The following ZNF385D variants were observed in gnomAD, a reference collection of about 807,000 sequenced individuals.
The protein encoded by ZNF385D is zinc finger protein 385D.
In ZNF385D, 15 loss-of-function variants were observed where a neutral mutation model predicts 35.8. The ratio of observed to expected loss-of-function variants is 0.42; its 90% CI spans 0.28 to 0.64. ZNF385D has a LOEUF of 0.64. Among genes scored for constraint, ZNF385D ranks in the 30% least tolerant of loss-of-function variants. The pLI is 0.23. For synonymous variants in ZNF385D, 212 were observed against 186.8 expected, an observed-to-expected ratio of 1.13 and a Z score of -1.10; for missense variants, 474 against 494.6, an observed-to-expected ratio of 0.96 and a Z score of 0.39.
At chr3:21,518,466 G>T (rs1707714703) in intron 3 of ZNF385D, among the ~76,000 whole-genome samples, 1 of 152,064 alleles carries the variant, frequency 6.6e-6, no homozygotes, top group Non-Finnish European at 1.5e-5. Flanking sequence ...TATATTGAAT[G>T]CATTGTTATG....
intron 2 of ZNF385D, among the ~76,000 whole-genome samples, chr3:22,212,695 A>T (rs1209001734): frequency 6.6e-6 from 1 of 152,062 alleles, no homozygotes; most frequent in African/African-American, 2.4e-5. Flanking sequence ...ATAAAAGCTC[A>T]TCTTAGGGTT....
At chr3:21,813,355 C>T (rs554171214) in intron 3 of ZNF385D, among the ~76,000 whole-genome samples, 65 of 152,276 alleles carry the variant, frequency 4.3e-4, no homozygotes, top group African/African-American at 1.3e-3. Context: ...ATGACTTTGA[C>T]GAGTTGACAG....
rs116262136 is a variant in ZNF385D, at chr3:21,983,002, C to T, written c.325+185815G>A. Among the ~76,000 whole-genome samples, 1,330 of 151,916 alleles carry T rather than the reference C, an allele frequency of 8.8e-3. 20 individuals are homozygous for T. Among genetic ancestry groups the T allele is most frequent in the African/African-American group, 0.03 (1,254 of 41,432 alleles). ...CTGAATTTGGTTTGCGAGTATTTTG[C>T]TGAAGATTTTTACATTGATGTTTAT... On this transcript the variant is annotated intron_variant, in intron 3 of 5. Coordinates refer to the ZNF385D transcript ENST00000494108.
At chr3:21,895,917 A>C (rs1699111893) in intron 3 of ZNF385D, among the ~76,000 whole-genome samples, 1 of 152,158 alleles carries the variant, frequency 6.6e-6, no homozygotes. Flanking sequence ...TAAAATCAAA[A>C]ATTTTGTGTC....
At chr3:22,196,238 T>C (rs565906659) in intron 2 of ZNF385D, among the ~76,000 whole-genome samples, 5 of 152,068 alleles carry the variant, frequency 3.3e-5, no homozygotes, top group South Asian at 4.1e-4. Flanking sequence ...CAGCTATGCA[T>C]GTAGGTTTTG....
At chr3:22,142,436 A>G (rs1704566503) in intron 3 of ZNF385D, among the ~76,000 whole-genome samples, 1 of 152,268 alleles carries the variant, frequency 6.6e-6, no homozygotes, top group Admixed American at 6.5e-5. Flanking sequence ...TCCAATGTAG[A>G]GAACGAATCA....
intron 3 of ZNF385D, among the ~76,000 whole-genome samples, chr3:22,111,581 G>A (rs1023922829): frequency 6.6e-6 from 1 of 152,042 alleles, no homozygotes; most frequent in African/African-American, 2.4e-5. Context: ...TACCATCTTG[G>A]CATTTTGTTC....
intron 2 of ZNF385D, among the ~76,000 whole-genome samples, chr3:22,233,763 T>C (rs965452581): frequency 1.4e-4 from 21 of 152,220 alleles, no homozygotes; most frequent in Admixed American, 1.3e-3. Flanking sequence ...GTGGTTTAAT[T>C]ACCCACCTAC....
intron 3 of ZNF385D, among the ~76,000 whole-genome samples, chr3:21,850,469 C>T (rs1361430617): frequency 6.6e-6 from 1 of 151,966 alleles, no homozygotes; most frequent in East Asian, 1.9e-4. Context: ...ATGAAGTAGC[C>T]TGGAATTTGT....
intron 2 of ZNF385D, among the ~76,000 whole-genome samples, chr3:21,569,166 A>G (rs2063245724): frequency 6.6e-6 from 1 of 151,860 alleles, no homozygotes; most frequent in Non-Finnish European, 1.5e-5. Flanking sequence ...GTGGGGTGTT[A>G]AAGTCTCCCA....
chr3:21,880,840 T>C (rs1698239828), intron 3 of ZNF385D, among the ~76,000 whole-genome samples: 1 of 151,974 alleles, frequency 6.6e-6, no homozygotes, highest in African/African-American at 2.4e-5. Flanking sequence ...ACATGAATTA[T>C]AAGAAAGCCA....
chr3:21,619,900 G>A (rs186198855), intron 2 of ZNF385D, among the ~76,000 whole-genome samples: 1 of 152,270 alleles, frequency 6.6e-6, no homozygotes, highest in Admixed American at 6.5e-5. Context: ...TGCAAACCTA[G>A]TTTGGTTCTT....
intron 6 of ZNF385D, among the ~76,000 whole-genome samples, chr3:21,424,707 A>G (rs1350087767): frequency 3.0e-4 from 15 of 50,358 alleles, no homozygotes. Flanking sequence ...TTTTTTTTTG[A>G]AAAACATTTA....
chr3:22,240,138 A>G (rs1292333885), intron 2 of ZNF385D, among the ~76,000 whole-genome samples: 3 of 146,668 alleles, frequency 2.0e-5, no homozygotes, highest in African/African-American at 5.1e-5. Flanking sequence ...AGCCATCATC[A>G]TATCACTGCA....
intron 2 of ZNF385D, among the ~76,000 whole-genome samples, chr3:22,343,550 A>C (rs1575160252): frequency 6.6e-6 from 1 of 151,676 alleles, no homozygotes; most frequent in African/African-American, 2.4e-5. Flanking sequence ...CAACAGCAAG[A>C]GAGAATCCTA....
intron 5 of ZNF385D, among the ~76,000 whole-genome samples, chr3:21,429,135 C>T (rs1419459610): frequency 1.3e-5 from 2 of 151,224 alleles, no homozygotes; most frequent in African/African-American, 4.9e-5. Flanking sequence ...AGAAAACTGG[C>T]AAATGACTAA....
intron 3 of ZNF385D, among the ~76,000 whole-genome samples, chr3:22,043,692 G>C (rs919042424): frequency 6.7e-6 from 1 of 149,668 alleles, no homozygotes; most frequent in Non-Finnish European, 1.5e-5. Context: ...GGGTCTTCAA[G>C]ACCTTGTTGC....
intron 3 of ZNF385D, among the ~76,000 whole-genome samples, chr3:22,132,218 T>C (rs1325943658): frequency 6.6e-6 from 1 of 152,078 alleles, no homozygotes; most frequent in Non-Finnish European, 1.5e-5. Flanking sequence ...CCCTAATGAA[T>C]GGCAATAGAG....
At chr3:21,883,743 G>C (rs17009926) in intron 3 of ZNF385D, among the ~76,000 whole-genome samples, 15,023 of 152,030 alleles carry the variant, frequency 0.099, 807 homozygotes, top group East Asian at 0.18. Context: ...CCATCAGATT[G>C]CTGCACATAT....
Sources: allele counts gnomAD v4.1 joint callset (sites outside exome capture counted in the v4.1 genomes callset), GRCh38; gene constraint gnomAD v4.1.1; transcripts MANE v1.5; gene names NCBI Gene and HGNC (gene_info 2026-07-23, HGNC 2026-07-21).